The following RPS6KA5 variants were observed in gnomAD, a reference collection of about 807,000 sequenced individuals.
The protein encoded by RPS6KA5 is ribosomal protein S6 kinase alpha-5.
In RPS6KA5, 27 loss-of-function variants were observed where a neutral mutation model predicts 85.5. The observed-to-expected ratio is 0.32, with a 90% confidence interval of 0.23 to 0.44. RPS6KA5 has a LOEUF of 0.44. Ranked by LOEUF, RPS6KA5 falls within the 20% of genes least tolerant of loss-of-function variation. RPS6KA5 has a pLI of 1.00. For missense variants in RPS6KA5, 811 were observed against 980.9 expected, an observed-to-expected ratio of 0.83 and a Z score of 2.31; for synonymous variants, 334 against 348.2, an observed-to-expected ratio of 0.96 and a Z score of 0.46.
chr14:90,947,317 G>A lies in RPS6KA5; in HGVS notation c.510+118C>T, dbSNP rs184157671. Reference sequence around the variant, plus strand: ...TGAGAAAATTGGTAATGTTCTATAAGTATGCTTTCATAATCTCCACTAAGA... The same window carrying A: ...TGAGAAAATTGGTAATGTTCTATAAATATGCTTTCATAATCTCCACTAAGA... On this transcript the variant is annotated intron_variant, in intron 4 of 16. Transcript: ENST00000614987. The A allele has an allele frequency of 6.2e-4, 365 of 593,308 alleles. No homozygotes were observed. In the African/African-American group the frequency reaches 6.2e-3, roughly 10 times the overall value. 36.8% of individuals were successfully genotyped at this position (593,308 alleles called of 1,614,324 possible). A position where few individuals can be genotyped will look rare whatever the true frequency, so the allele number is the denominator to read the frequency against.
Position 90,850,132 on chromosome 14 carries a change from G to A in RPS6KA5, c.*21942C>T, listed in dbSNP as rs1235443797. The A allele has an allele frequency of 6.6e-6, 1 of 152,142 alleles. No homozygotes were observed. Among genetic ancestry groups the A allele is most frequent in the East Asian group, 1.9e-4 (1 of 5,196 alleles). The allele number at this position is 152,142 out of a possible 1,614,324, so 9.4% of individuals were successfully genotyped here. On this transcript the variant is annotated 3_prime_UTR_variant, in exon 17 of 17. Coordinates refer to ENST00000614987, the MANE Select transcript of RPS6KA5 (RefSeq NM_004755.4). ...AAGGGATCTGTGGGCTTTCTACAAG[G>A]GAGCAAACAACCTCAATTCTTTCCT...
intron 1 of RPS6KA5, among the ~76,000 whole-genome samples, chr14:91,007,872 G>GA (rs2041094640): frequency 6.6e-6 from 1 of 151,392 alleles, no homozygotes; most frequent in African/African-American, 2.4e-5. Flanking sequence ...ACTGTTTTTT[G>GA]AAAAAATAGG....
At chr14:90,940,515 ATTTG>A (rs1372329881) in intron 5 of RPS6KA5, among the ~76,000 whole-genome samples, 1 of 152,086 alleles carries the variant, frequency 6.6e-6, no homozygotes, top group Non-Finnish European at 1.5e-5. Context: ...TTTGATTTTT[ATTTG>A]TTTGTTTAGT....
chr14:91,037,053 T>C (rs2139869286), intron 1 of RPS6KA5, among the ~76,000 whole-genome samples: 1 of 152,340 alleles, frequency 6.6e-6, no homozygotes, highest in Non-Finnish European at 1.5e-5. Context: ...AATCCCCTCC[T>C]GCCTTTGGTC....
intron 3 of RPS6KA5, among the ~76,000 whole-genome samples, chr14:90,954,506 C>A (rs555403545): frequency 6.6e-6 from 1 of 152,280 alleles, no homozygotes; most frequent in East Asian, 1.9e-4. Flanking sequence ...CTCCGCCTCC[C>A]GGGTTCAAGT....
At chr14:90,948,045 C>A (rs537911692) in intron 3 of RPS6KA5, among the ~76,000 whole-genome samples, 3 of 152,304 alleles carry the variant, frequency 2.0e-5, no homozygotes, top group East Asian at 1.9e-4. Context: ...AATAGACACC[C>A]TTTTATTTAG....
At position 90,906,278 on chromosome 14, in the gene RPS6KA5, A is replaced by T; in HGVS notation, c.828T>A (p.Pro276=). The T allele has an allele frequency of 6.2e-7, 1 of 1,607,376 alleles. No individual in the cohort carries two copies. The highest frequency in any genetic ancestry group is 8.5e-7 in the Non-Finnish European group (1 of 1,175,408). The change falls in exon 8 of 17, where the codon CCT becomes CCA. Residue 276 remains proline, a synonymous_variant. Transcript: ENST00000614987. ...EISRRILKSE[P]PYPQEMSALA... is the part of the protein sequence containing the mutation. The stretch of plus-strand genomic sequence containing the variant: ...AAGCACTCATTTCTTGGGGATATGG[A>T]GGCTCACTTTTTAATATTCTCCTGT...
Position 91,034,831 on chromosome 14 carries a change from A to C in RPS6KA5, c.103+25501T>G, listed in dbSNP as rs75478368. Among the ~76,000 whole-genome samples, 44 of 152,354 alleles carry C rather than the reference A, an allele frequency of 2.9e-4. No homozygotes were observed. In the East Asian group the frequency reaches 8.3e-3, roughly 29 times the overall value. The stretch of plus-strand genomic sequence containing the variant: ...GCGAGACCAAGAACCCACCAGCAGG[A>C]ATAAATTTCGGACACAGTGACATTC... On this transcript the variant is annotated intron_variant, in intron 1 of 16. Transcript: ENST00000614987.
chr14:91,000,670 A>T (rs1164930615), intron 2 of RPS6KA5, among the ~76,000 whole-genome samples: 1 of 152,034 alleles, frequency 6.6e-6, no homozygotes, highest in Non-Finnish European at 1.5e-5. Context: ...GGCGTGGTAG[A>T]AGGCGCCTGT....
At chr14:91,015,967 GCCCTCC>G (rs1274189224) in intron 1 of RPS6KA5, among the ~76,000 whole-genome samples, 2 of 152,068 alleles carry the variant, frequency 1.3e-5, no homozygotes, top group Non-Finnish European at 2.9e-5. Context: ...AACCACAACT[GCCCTCC>G]AACCCCAATT....
At chr14:91,051,347 G>A (rs185760803) in intron 1 of RPS6KA5, among the ~76,000 whole-genome samples, 263 of 152,274 alleles carry the variant, frequency 1.7e-3, no homozygotes, top group Non-Finnish European at 2.8e-3. Flanking sequence ...GGGAGGCAGA[G>A]ATGGGAAGAC....
intron 12 of RPS6KA5, among the ~76,000 whole-genome samples, chr14:90,897,903 G>C (rs747969158): frequency 3.3e-5 from 5 of 152,138 alleles, no homozygotes; most frequent in Non-Finnish European, 7.3e-5. Context: ...CTCTTCTTAA[G>C]CACCTTCGTG....
At position 90,886,601 on chromosome 14, in the gene RPS6KA5, G is replaced by A. The variant is rs745549142; in HGVS notation, c.1836+3886C>T. On this transcript the variant is annotated intron_variant, in intron 14 of 16. Transcript: ENST00000614987. Reference sequence around the variant, plus strand: ...TGCAGACCAAGGAAAGGCTGTGTGCGGACACAACAAGCAGGTGGCCATCTG... The same window carrying A: ...TGCAGACCAAGGAAAGGCTGTGTGCAGACACAACAAGCAGGTGGCCATCTG... Among the ~76,000 whole-genome samples, 7 of 152,248 alleles carry A rather than the reference G, an allele frequency of 4.6e-5. No homozygotes were observed. In the East Asian group the frequency reaches 1.2e-3, roughly 25 times the overall value.
At chr14:90,958,110 G>A (rs1392661390) in intron 3 of RPS6KA5, among the ~76,000 whole-genome samples, 3 of 152,130 alleles carry the variant, frequency 2.0e-5, no homozygotes, top group African/African-American at 7.2e-5. Flanking sequence ...CTGTGCTACT[G>A]CACTCCAGCC....
intron 1 of RPS6KA5, among the ~76,000 whole-genome samples, chr14:91,027,479 T>A (rs1350911644): frequency 1.3e-5 from 2 of 152,200 alleles, no homozygotes; most frequent in Non-Finnish European, 2.9e-5. Context: ...TGTCTGTTTT[T>A]GTAAAAATGG....
At chr14:90,989,259 T>C (rs2040200649) in intron 2 of RPS6KA5, among the ~76,000 whole-genome samples, 1 of 152,158 alleles carries the variant, frequency 6.6e-6, no homozygotes, top group Non-Finnish European at 1.5e-5. Context: ...ACAGAGTTCA[T>C]ATGATTAACT....
rs533296223 is a variant in RPS6KA5, at chr14:90,857,640, C to A, written c.*14434G>T. ...TGTAGTGTGGGTGAACTGTGAACTG[C>A]ATTAAGCTCTACAGAGTTTTTTCAA... On this transcript the variant is annotated 3_prime_UTR_variant, in exon 17 of 17. Transcript: ENST00000614987. The A allele has an allele frequency of 1.3e-5, 2 of 152,086 alleles. No homozygotes were observed. The highest frequency in any genetic ancestry group is 4.1e-4 in the South Asian group (2 of 4,826). 9.4% of individuals were successfully genotyped at this position (152,086 alleles called of 1,614,324 possible).
At chr14:91,046,122 C>T (rs1008646328) in intron 1 of RPS6KA5, among the ~76,000 whole-genome samples, 2 of 152,106 alleles carry the variant, frequency 1.3e-5, no homozygotes, top group African/African-American at 4.8e-5. Flanking sequence ...TCATCATAAT[C>T]GCAATCATAG....
chr14:91,004,820 T>TA, intron 1 of RPS6KA5, among the ~76,000 whole-genome samples: 1 of 151,892 alleles, frequency 6.6e-6, no homozygotes, highest in East Asian at 1.9e-4. Context: ...ACAAAAAAAT[T>TA]AGCCGGGCAT....
Sources: gnomAD v4.1 joint callset for allele counts (sites outside exome capture counted in the v4.1 genomes callset) on GRCh38, gnomAD v4.1.1 for gene constraint, MANE v1.5 for transcripts, NCBI Gene and HGNC (gene_info 2026-07-23, HGNC 2026-07-21) for gene names.